The following ZYG11B variants were observed in gnomAD, a reference collection of about 807,000 sequenced individuals.
ZYG11B encodes the protein zyg-11 family member B, cell cycle regulator.
Under a neutral mutation model 82.4 loss-of-function variants are expected in ZYG11B, and 36 were observed. That is an observed-to-expected ratio of 0.44 (90% confidence interval 0.33 to 0.58). ZYG11B has a LOEUF of 0.58. Among genes scored for constraint, ZYG11B ranks in the 20% least tolerant of loss-of-function variants. The probability of loss-of-function intolerance (pLI) is 0.02; values close to 1 mark genes in which losing one functional copy is unlikely to be tolerated. For missense variants in ZYG11B, 552 were observed against 895.6 expected (o/e 0.62, Z 4.90); for synonymous variants, 303 against 312.8 (o/e 0.97, Z 0.33).
At chr1:52,741,231 G>C (rs943612758) in intron 1 of ZYG11B, among the ~76,000 whole-genome samples, 6 of 146,392 alleles carry the variant, frequency 4.1e-5, no homozygotes, top group African/African-American at 1.3e-4. Context: ...CCAAGAGGCA[G>C]AGGTTGCAGT....
chr1:52,823,976 C>G lies in ZYG11B; in HGVS notation c.*2347C>G, dbSNP rs1003665766. 6.6e-6 allele frequency: 1 copy of G among 152,058 alleles called. No individual in the cohort carries two copies. The allele number at this position is 152,058 out of a possible 1,614,324, so 9.4% of individuals were successfully genotyped here. On this transcript the variant is annotated 3_prime_UTR_variant, in exon 14 of 14. Transcript: ENST00000294353. ...TGAAACCCCGTCTCTACTAAAAATA[C>G]AAAAACTAGCTGGGCATGGTGGCTT... is the stretch of plus-strand genomic sequence containing the variant.
chr1:52,797,551 A>G (rs1247215326), intron 8 of ZYG11B, among the ~76,000 whole-genome samples: 2 of 128,740 alleles, frequency 1.6e-5, no homozygotes, highest in Non-Finnish European at 3.1e-5. Flanking sequence ...ACTGTCGCCC[A>G]GGCTGGGAGT....
intron 1 of ZYG11B, among the ~76,000 whole-genome samples, chr1:52,754,840 T>C (rs573540364): frequency 1.2e-4 from 18 of 152,334 alleles, no homozygotes; most frequent in African/African-American, 4.1e-4. Flanking sequence ...AGCTCTACTA[T>C]TTAGGACCTT....
rs889913178 is a variant in ZYG11B at position 52,779,971 on chromosome 1, A to G, written c.1070A>G (p.Lys357Arg). 8.1e-6 allele frequency: 13 copies of G among 1,613,652 alleles called. No individual in the cohort carries two copies. The Admixed American group carries it at 1.5e-4, about 19-fold the overall frequency. Residue 357 changes from lysine (K) to arginine (R), a missense_variant, in exon 4 of 14, where the codon AAA (lysine) becomes AGA (arginine). This residue lies in a region of ZYG11B where 359 missense variants were observed against 555.8 expected (regional missense o/e 0.65). Transcript: ENST00000294353. ...HLFSLTHVME[K>R]TKPEILKLVV... Reference sequence around the variant, plus strand: ...TTTAGTCTGACTCATGTGATGGAAAAAACAAAGCCAGAAATTTTAAAGGTA... The same window carrying G: ...TTTAGTCTGACTCATGTGATGGAAAGAACAAAGCCAGAAATTTTAAAGGTA...
At chr1:52,764,505 C>T (rs1644664338) in intron 2 of ZYG11B, among the ~76,000 whole-genome samples, 1 of 152,054 alleles carries the variant, frequency 6.6e-6, no homozygotes, top group African/African-American at 2.4e-5. Flanking sequence ...CTGGTTCCAA[C>T]ATTAATTTGC....
intron 8 of ZYG11B, among the ~76,000 whole-genome samples, chr1:52,797,418 T>TAACA (rs778840442): frequency 2.3e-5 from 2 of 88,420 alleles, no homozygotes; most frequent in East Asian, 3.5e-4. Flanking sequence ...ATATCATATA[T>TAACA]TATACATATT....
At chr1:52,761,730 C>A (rs879458118) in intron 2 of ZYG11B, among the ~76,000 whole-genome samples, 3 of 152,086 alleles carry the variant, frequency 2.0e-5, no homozygotes, top group Non-Finnish European at 2.9e-5. Flanking sequence ...TATGGTAGTT[C>A]TATTTGTAGT....
At chr1:52,785,429 TATACTC>T (rs1644905267) in intron 5 of ZYG11B, among the ~76,000 whole-genome samples, 1 of 152,182 alleles carries the variant, frequency 6.6e-6, no homozygotes, top group Non-Finnish European at 1.5e-5. Flanking sequence ...TAACCTGTCT[TATACTC>T]AGGATGAATA....
intron 6 of ZYG11B, 24 bp downstream of exon 6, chr1:52,790,091 A>C: frequency 6.5e-7 from 1 of 1,528,332 alleles, no homozygotes. Flanking sequence ...CTAGAACTTA[A>C]AGTGGGGCAA....
chr1:52,796,038 A>G (rs1645003720), intron 6 of ZYG11B, among the ~76,000 whole-genome samples: 1 of 152,236 alleles, frequency 6.6e-6, no homozygotes, highest in Admixed American at 6.5e-5. Context: ...AATATGTTAT[A>G]ATTCTAGAAG....
chr1:52,773,627 ATTTTTTTTTTTTTTTTT>A (rs560456264), intron 3 of ZYG11B, among the ~76,000 whole-genome samples: 1 of 29,244 alleles, frequency 3.4e-5, no homozygotes, highest in Non-Finnish European at 5.1e-5. Context: ...ATATATATAT[ATTTTTTTTTTTTTTTTT>A]TTTTTTTTTT....
intron 13 of ZYG11B, among the ~76,000 whole-genome samples, chr1:52,820,707 C>T (rs1645275395): frequency 1.2e-5 from 1 of 83,348 alleles, no homozygotes; most frequent in Admixed American, 1.9e-4. Flanking sequence ...CAGAATGAGA[C>T]TGTCTTTAAA....
At chr1:52,777,809 G>A (rs1300262738) in intron 3 of ZYG11B, among the ~76,000 whole-genome samples, 1 of 152,042 alleles carries the variant, frequency 6.6e-6, no homozygotes, top group East Asian at 1.9e-4. Context: ...GATTACTTTT[G>A]TGTCACACTG....
At chr1:52,745,343 A>G (rs1384238377) in intron 1 of ZYG11B, among the ~76,000 whole-genome samples, 3 of 152,228 alleles carry the variant, frequency 2.0e-5, no homozygotes, top group Admixed American at 2.0e-4. Context: ...GAGAAGGTTT[A>G]GGAAGAGCTA....
intron 10 of ZYG11B, among the ~76,000 whole-genome samples, chr1:52,802,473 C>A (rs114464888): frequency 0.018 from 2,697 of 151,352 alleles, 43 homozygotes; most frequent in Middle Eastern, 0.082. Context: ...AACTCAGTCT[C>A]CCTAGTAGGT....
chr1:52,747,779 T>C (rs562824613), intron 1 of ZYG11B, among the ~76,000 whole-genome samples: 1 of 152,248 alleles, frequency 6.6e-6, no homozygotes, highest in Non-Finnish European at 1.5e-5. Context: ...GGGCAGTGTA[T>C]GTAGTGGTAA....
intron 3 of ZYG11B, among the ~76,000 whole-genome samples, chr1:52,776,229 A>AAAAAAAATATATATATATATATATATAT: frequency 3.4e-4 from 8 of 23,534 alleles, no homozygotes; most frequent in African/African-American, 5.7e-4. Context: ...TAAAAAAAAA[A>AAAAAAAATATATATATATATATATATAT]ATATATATAT....
intron 4 of ZYG11B, among the ~76,000 whole-genome samples, chr1:52,780,305 A>G (rs1377981491): frequency 6.6e-6 from 1 of 152,156 alleles, no homozygotes; most frequent in Non-Finnish European, 1.5e-5. Flanking sequence ...TGGAATCAGG[A>G]CACTGTATTG....
intron 3 of ZYG11B, among the ~76,000 whole-genome samples, chr1:52,776,305 C>G (rs551005953): frequency 1.4e-5 from 2 of 141,018 alleles, no homozygotes; most frequent in Admixed American, 1.5e-4. Context: ...CCAAGACATG[C>G]GGATCACTTG....
Sources: allele counts gnomAD v4.1 joint callset (sites outside exome capture counted in the v4.1 genomes callset), GRCh38; gene constraint gnomAD v4.1.1; regional missense constraint gnomAD v4.1.1; transcripts MANE v1.5; gene names NCBI Gene and HGNC (gene_info 2026-07-23, HGNC 2026-07-21).